The following PAIP2B variants were observed in gnomAD, a reference collection of about 807,000 sequenced individuals.
The protein encoded by PAIP2B is polyadenylate-binding protein-interacting protein 2B.
In PAIP2B, 13 loss-of-function variants were observed where a neutral mutation model predicts 17.0. The observed-to-expected ratio is 0.76, with a 90% CI of 0.50 to 1.22. The LOEUF (loss-of-function observed/expected upper bound fraction) is 1.22, where lower values mean the gene tolerates loss of function less well. Among genes scored for constraint, PAIP2B ranks in the 50% most tolerant of loss-of-function variants. PAIP2B has a pLI of 0.00. For synonymous variants in PAIP2B, 43 were observed against 48.7 expected, an observed-to-expected ratio of 0.88 and a Z score of 0.48; for missense variants, 117 against 144.5, an observed-to-expected ratio of 0.81 and a Z score of 0.98.
rs1333781068 is a variant in PAIP2B at position 71,183,078 on chromosome 2, G to T, written c.*5401C>A. The T allele has an allele frequency of 2.8e-5, 2 of 71,816 alleles. No individual in the cohort carries two copies. The highest frequency in any genetic ancestry group is 1.1e-4 in the African/African-American group (2 of 17,482). The allele number at this position is 71,816 out of a possible 1,614,324, so 4.4% of individuals were successfully genotyped here. A position where few individuals can be genotyped will look rare whatever the true frequency, so the allele number is the denominator to read the frequency against. On this transcript the variant is annotated 3_prime_UTR_variant, in exon 4 of 4. Coordinates refer to ENST00000244221, the MANE Select transcript of PAIP2B (RefSeq NM_020459.1). Reference sequence around the variant, plus strand: ...GAGCAGCCCTGCACAGACCCTGGGGGGCTTCCTGTTCCACAAGCTCCACTC... The same window carrying T: ...GAGCAGCCCTGCACAGACCCTGGGGTGCTTCCTGTTCCACAAGCTCCACTC...
intron 1 of PAIP2B, among the ~76,000 whole-genome samples, chr2:71,211,637 A>C (rs1447928464): frequency 6.7e-6 from 1 of 149,684 alleles, no homozygotes; most frequent in African/African-American, 2.5e-5. Flanking sequence ...GTGTAAATTC[A>C]TTGTCCTGAG....
intron 3 of PAIP2B, 109 bp downstream of exon 3, chr2:71,189,736 C>G: frequency 9.3e-7 from 1 of 1,073,636 alleles, no homozygotes; most frequent in Non-Finnish European, 1.3e-6. Context: ...AACAACAGCT[C>G]ACAGGGCTCC....
chr2:71,203,223 G>A (rs1264368087), intron 1 of PAIP2B, among the ~76,000 whole-genome samples: 3 of 151,978 alleles, frequency 2.0e-5, no homozygotes, highest in Non-Finnish European at 4.4e-5. Context: ...ATAGTAATAG[G>A]ATCATGTGAT....
At chr2:71,214,351 A>C (rs933630195) in intron 1 of PAIP2B, among the ~76,000 whole-genome samples, 1 of 152,210 alleles carries the variant, frequency 6.6e-6, no homozygotes. Context: ...ATGCTGAAGA[A>C]AAATGCTATT....
intron 1 of PAIP2B, among the ~76,000 whole-genome samples, chr2:71,218,869 G>C (rs1417651714): frequency 6.6e-6 from 1 of 151,002 alleles, no homozygotes; most frequent in East Asian, 1.9e-4. Flanking sequence ...ATAAAAAGCA[G>C]CAAACCAGAA....
At chr2:71,220,744 CCCAAAGTGCTGGTATT>C (rs1558784002) in intron 1 of PAIP2B, among the ~76,000 whole-genome samples, 1 of 152,230 alleles carries the variant, frequency 6.6e-6, no homozygotes, top group Non-Finnish European at 1.5e-5. Context: ...ACCTCTGCCT[CCCAAAGTGCTGGTATT>C]ACAGGCGTGA....
chr2:71,199,984 G>A (rs2103778132), intron 2 of PAIP2B, among the ~76,000 whole-genome samples: 1 of 152,250 alleles, frequency 6.6e-6, no homozygotes, highest in Non-Finnish European at 1.5e-5. Context: ...TACTTTTCTT[G>A]AGACTTAATC....
chr2:71,189,727 AC>A, intron 3 of PAIP2B, 117 bp downstream of exon 3: 1 of 970,042 alleles, frequency 1.0e-6, no homozygotes, highest in African/African-American at 1.7e-5. Context: ...GAGCAAAGAA[AC>A]AACAGCTCAC....
chr2:71,201,008 GGTGTGTGTGT>G (rs70959217), intron 2 of PAIP2B, among the ~76,000 whole-genome samples: 11 of 32,366 alleles, frequency 3.4e-4, no homozygotes, highest in African/African-American at 6.7e-4. Context: ...TGTGTGTGTG[GGTGTGTGTGT>G]GTGTGTGTGT....
chr2:71,200,833 G>C (rs1315219778), intron 2 of PAIP2B, among the ~76,000 whole-genome samples: 1 of 152,142 alleles, frequency 6.6e-6, no homozygotes, highest in African/African-American at 2.4e-5. Context: ...ATTAGGGTTG[G>C]GGGAATTTGA....
At chr2:71,196,947 T>G (rs932109875) in intron 2 of PAIP2B, among the ~76,000 whole-genome samples, 1 of 152,188 alleles carries the variant, frequency 6.6e-6, no homozygotes, top group Non-Finnish European at 1.5e-5. Context: ...AGCATGCTAT[T>G]GGGTCTTGCT....
In PAIP2B at chr2:71,183,907, TATG is replaced by T. The variant is rs540035341; in HGVS notation, c.*4569_*4571del. ...AAATGTACACTTGAAATGGGTGTTT[TATG>T]ATATGTAACATATGCCTCATTAAAG... is the stretch of plus-strand genomic sequence containing the variant. On this transcript the variant is annotated 3_prime_UTR_variant, in exon 4 of 4. Transcript: ENST00000244221. 1.3e-3 allele frequency: 192 copies of T among 152,352 alleles called. No homozygotes were observed. The highest frequency in any genetic ancestry group is 4.6e-3 in the African/African-American group (192 of 41,584). The allele number at this position is 152,352 out of a possible 1,614,324, so 9.4% of individuals were successfully genotyped here. A position where few individuals can be genotyped will look rare whatever the true frequency, so the allele number is the denominator to read the frequency against.
intron 2 of PAIP2B, 24 bp downstream of exon 2, chr2:71,202,428 C>A: frequency 1.9e-6 from 3 of 1,607,986 alleles, no homozygotes; most frequent in Non-Finnish European, 2.5e-6. Context: ...CATCAATCTT[C>A]CACTTTTCCA....
chr2:71,226,210 T>C (rs1018801692), intron 1 of PAIP2B, among the ~76,000 whole-genome samples: 1 of 152,178 alleles, frequency 6.6e-6, no homozygotes, highest in Non-Finnish European at 1.5e-5. Flanking sequence ...GTTCCCAACC[T>C]TGCCAAACTC....
At chr2:71,203,059 A>G (rs1420638856) in intron 1 of PAIP2B, among the ~76,000 whole-genome samples, 2 of 152,164 alleles carry the variant, frequency 1.3e-5, no homozygotes, top group Admixed American at 1.3e-4. Flanking sequence ...TGTTTATCAT[A>G]TTGATAAGCA....
intron 1 of PAIP2B, among the ~76,000 whole-genome samples, chr2:71,209,856 C>T (rs1298191558): frequency 6.6e-6 from 1 of 151,560 alleles, no homozygotes. Context: ...TGGAGTCTCA[C>T]TCTGTCGCCC....
In PAIP2B at chr2:71,202,536, G is replaced by A. The variant is rs1046360082; in HGVS notation, c.54C>T (p.Asp18=). 6.2e-7 allele frequency: 1 copy of A among 1,613,590 alleles called. No homozygotes were observed. Among genetic ancestry groups the A allele is most frequent in the South Asian group, 1.1e-5 (1 of 91,058 alleles). ...NTSPSVKSKE[D]QGLSGHDEKE... ...TTTCATCGTGCCCACTTAACCCCTG[G>A]TCCTCTTTGGATTTTACACTCGGTG... Residue 18 remains aspartate, a synonymous_variant, in exon 2 of 4, where the codon GAC becomes GAT. Coordinates refer to ENST00000244221, the MANE Select transcript of PAIP2B (RefSeq NM_020459.1).
intron 1 of PAIP2B, among the ~76,000 whole-genome samples, chr2:71,222,113 A>T (rs1196563037): frequency 6.6e-6 from 1 of 152,164 alleles, no homozygotes; most frequent in Non-Finnish European, 1.5e-5. Context: ...TACCATCTTT[A>T]AGAGCTGTAA....
intron 1 of PAIP2B, among the ~76,000 whole-genome samples, chr2:71,221,447 A>C (rs1388215639): frequency 1.3e-5 from 2 of 152,308 alleles, no homozygotes; most frequent in Middle Eastern, 3.4e-3. Context: ...TCTCAGGAAG[A>C]GTTCAGAATT....
Sources: gnomAD v4.1 joint callset for allele counts (sites outside exome capture counted in the v4.1 genomes callset) on GRCh38, gnomAD v4.1.1 for gene constraint, MANE v1.5 for transcripts, NCBI Gene and HGNC (gene_info 2026-07-23, HGNC 2026-07-21) for gene names.